Variants in ABCA5 observed in about 807,000 individuals in gnomAD.
ABCA5 encodes ATP binding cassette subfamily A member 5.
In ABCA5, 163 loss-of-function variants were observed where a neutral mutation model predicts 206.0. The ratio of observed to expected loss-of-function variants is 0.79; its 90% CI spans 0.70 to 0.90. The LOEUF is 0.90. ABCA5 is among the 40% of genes least tolerant of loss of function. ABCA5 has a pLI of 0.00. For missense variants in ABCA5, 1,859 were observed against 1,912.9 expected, an observed-to-expected ratio of 0.97 and a Z score of 0.53; for synonymous variants, 609 against 613.8, an observed-to-expected ratio of 0.99 and a Z score of 0.11.
At chr17:69,269,629 A>T (rs1000435964) in intron 22 of ABCA5, among the ~76,000 whole-genome samples, 25 of 152,214 alleles carry the variant, frequency 1.6e-4, no homozygotes, top group Non-Finnish European at 3.4e-4. Flanking sequence ...AATAGCCAAA[A>T]GGTGGAAATA....
chr17:69,270,830 A>G (rs1338845633), intron 21 of ABCA5, 80 bp from the exon 22 acceptor site: 2 of 1,292,858 alleles, frequency 1.5e-6, no homozygotes, highest in African/African-American at 1.5e-5. Context: ...TTTTCTCACC[A>G]ACAAAGCTAA....
chr17:69,264,664 G>T, intron 24 of ABCA5, 71 bp downstream of exon 24: 1 of 1,116,788 alleles, frequency 9.0e-7, no homozygotes. Context: ...TAAGTCAACT[G>T]TCATGTTTAT....
chr17:69,309,542 T>G, intron 3 of ABCA5, 119 bp from the exon 4 acceptor site: 1 of 811,734 alleles, frequency 1.2e-6, no homozygotes, highest in Non-Finnish European at 1.8e-6. Flanking sequence ...CTATATTTAC[T>G]TCTTAAAAAA....
At position 69,248,267 on chromosome 17, in the gene ABCA5, C is replaced by G; in HGVS notation, c.4816G>C (p.Glu1606Gln). 1.3e-6 allele frequency: 2 copies of G among 1,547,446 alleles called. No homozygotes were observed. The highest frequency in any genetic ancestry group is 1.8e-6 in the Non-Finnish European group (2 of 1,131,572). The change falls in exon 38 of 39, where the codon GAA becomes CAA. Residue 1606 changes from glutamate (E) to glutamine (Q), a missense_variant. Coordinates refer to ENST00000392676, the MANE Select transcript of ABCA5 (RefSeq NM_172232.4). ...EEYSFSQATLEQVFVELTKEQ... is the reference protein window; with the variant it reads ...EEYSFSQATLQQVFVELTKEQ... ...AAAATTTAACTTTATAGTACCTGTT[C>G]CAATGTTGCTTGAGAAAAGCTATAT...
intron 18 of ABCA5, among the ~76,000 whole-genome samples, chr17:69,278,595 A>G (rs560564347): frequency 4.8e-4 from 73 of 152,316 alleles, no homozygotes; most frequent in African/African-American, 1.7e-3. Context: ...GATCATACAG[A>G]TTATTAGCAC....
In ABCA5 at chr17:69,303,843, T is replaced by C. The variant is rs1436995846; in HGVS notation, c.930+826A>G. Among the ~76,000 whole-genome samples the C allele has an allele frequency of 9.5e-4, 23 of 24,296 alleles. 1 individual carries two copies. Among genetic ancestry groups the C allele is most frequent in the South Asian group, 3.8e-3 (2 of 530 alleles). 15.9% of individuals were successfully genotyped at this position (24,296 alleles called of 152,430 possible). A position where few individuals can be genotyped will look rare whatever the true frequency, so the allele number is the denominator to read the frequency against. On this transcript the variant is annotated intron_variant, in intron 7 of 38. Transcript: ENST00000392676. ...ATATATATGTATATATATATATACATACATATATATATGTATATATATATA... is the reference window on the plus strand; with the variant it reads ...ATATATATGTATATATATATATACACACATATATATATGTATATATATATA...
chr17:69,297,527 T>G (rs571796269), intron 9 of ABCA5, among the ~76,000 whole-genome samples, 168 bp from the exon 10 acceptor site: 1 of 152,342 alleles, frequency 6.6e-6, no homozygotes, highest in South Asian at 2.1e-4. Flanking sequence ...AATTTTCATT[T>G]GTCATTGAAA....
chr17:69,260,987 T>G (rs990253359), intron 26 of ABCA5, 138 bp downstream of exon 26: 1 of 663,648 alleles, frequency 1.5e-6, no homozygotes, highest in Non-Finnish European at 2.4e-6. Context: ...TAATTTATGC[T>G]GCATTAATAA....
intron 9 of ABCA5, among the ~76,000 whole-genome samples, chr17:69,300,682 C>T (rs1212036937): frequency 6.6e-6 from 1 of 152,096 alleles, no homozygotes; most frequent in African/African-American, 2.4e-5. Flanking sequence ...GTGTAGAATA[C>T]AGACACAGGT....
At position 69,314,299 on chromosome 17, in the gene ABCA5, A is replaced by T. The variant is rs1331296426; in HGVS notation, c.102+15T>A. 1 of 1,539,066 alleles carries T rather than the reference A, an allele frequency of 6.5e-7. No individual in the cohort carries two copies. The highest frequency in any genetic ancestry group is 2.3e-5 in the East Asian group (1 of 44,132). Reference sequence around the variant, plus strand: ...TAAACTGCAAAAAAGCATAAGAAAGAGTTATTTAACTTACCTGAACACTAC... The same window carrying T: ...TAAACTGCAAAAAAGCATAAGAAAGTGTTATTTAACTTACCTGAACACTAC... On this transcript the variant is annotated intron_variant, in intron 2 of 38. Transcript: ENST00000392676.
chr17:69,270,574 C>A, intron 22 of ABCA5, 39 bp downstream of exon 22: 2 of 1,517,104 alleles, frequency 1.3e-6, no homozygotes, highest in Non-Finnish European at 8.8e-7. Flanking sequence ...ATATATATGA[C>A]ATGCATATGG....
chr17:69,288,317 T>C (rs1470054600), intron 14 of ABCA5, among the ~76,000 whole-genome samples: 2 of 152,160 alleles, frequency 1.3e-5, no homozygotes, highest in Non-Finnish European at 2.9e-5. Context: ...TTTGATGCCC[T>C]GTGTAAAGTG....
intron 19 of ABCA5, among the ~76,000 whole-genome samples, chr17:69,275,451 A>T (rs817122): frequency 0.21 from 31,588 of 151,912 alleles, 3,913 homozygotes; most frequent in East Asian, 0.5. Flanking sequence ...TAATTTTTTT[A>T]AAAAAATTCT....
Position 69,283,686 on chromosome 17 carries a change from C to T in ABCA5, c.2392+267G>A, listed in dbSNP as rs114760227. 6.1e-3 allele frequency among the ~76,000 whole-genome samples: 925 copies of T among 152,182 alleles called. 8 individuals carry two copies. Among genetic ancestry groups the T allele is most frequent in the African/African-American group, 0.021 (872 of 41,524 alleles). On this transcript the variant is annotated intron_variant, in intron 18 of 38. Transcript: ENST00000392676. ...GAAAATTTCTGCCCTAAAATCTTCA[C>T]CTACTTGATTTTTCTCATTATACAG...
At chr17:69,300,027 C>T (rs924781854) in intron 9 of ABCA5, among the ~76,000 whole-genome samples, 10 of 152,090 alleles carry the variant, frequency 6.6e-5, no homozygotes, top group African/African-American at 2.4e-4. Context: ...CAGGATGATT[C>T]AAATGCATTA....
intron 1 of ABCA5, among the ~76,000 whole-genome samples, chr17:69,322,878 ATAAGT>A (rs576966237): frequency 6.9e-4 from 105 of 152,218 alleles, no homozygotes; most frequent in Non-Finnish European, 1.2e-3. Context: ...TATAAAATAA[ATAAGT>A]TGAGTCATCC....
Position 69,309,387 on chromosome 17 carries a change from ATTTCTT to A in ABCA5, c.338_343del (p.Lys113_Glu114del). On this transcript the variant is annotated inframe_deletion, in exon 4 of 39. Transcript: ENST00000392676. ...CGGCTTAGAGAGACTGGATGTTAAC[ATTTCTT>A]TTTCATTTGTATATTCTTCAGTAAT... is the stretch of plus-strand genomic sequence containing the variant. 6.3e-7 allele frequency: 1 copy of A among 1,593,930 alleles called. No individual in the cohort carries two copies. The highest frequency in any genetic ancestry group is 8.5e-7 in the Non-Finnish European group (1 of 1,173,146).
intron 25 of ABCA5, 46 bp downstream of exon 25, chr17:69,261,589 A>T: frequency 1.1e-6 from 1 of 875,690 alleles, no homozygotes; most frequent in Non-Finnish European, 1.8e-6. Flanking sequence ...AATTCATGTT[A>T]ATTAAACTGC....
chr17:69,285,809 T>C (rs971051393), intron 17 of ABCA5, 89 bp downstream of exon 17: 37 of 1,361,140 alleles, frequency 2.7e-5, no homozygotes, highest in East Asian at 7.3e-5. Context: ...CAATACTACA[T>C]GGAGAAGGAA....
Sources: allele counts gnomAD v4.1 joint callset (sites outside exome capture counted in the v4.1 genomes callset), GRCh38; gene constraint gnomAD v4.1.1; transcripts MANE v1.5; gene names NCBI Gene and HGNC (gene_info 2026-07-23, HGNC 2026-07-21).